The following LAMC2 variants were observed in gnomAD, a reference collection of about 807,000 sequenced individuals.
LAMC2 encodes the protein laminin subunit gamma-2.
A neutral mutation model predicts 140.2 loss-of-function variants in LAMC2; 97 were observed. That is an observed-to-expected ratio of 0.69 (90% confidence interval 0.59 to 0.82). The LOEUF (loss-of-function observed/expected upper bound fraction) is 0.82, where lower values mean the gene tolerates loss of function less well. LAMC2 is among the 40% of genes least tolerant of loss of function. The pLI is 0.00. For synonymous variants in LAMC2, 513 were observed against 540.2 expected, an observed-to-expected ratio of 0.95 and a Z score of 0.70; for missense variants, 1,402 against 1,476.1, an observed-to-expected ratio of 0.95 and a Z score of 0.82.
Position 183,223,298 on chromosome 1 carries a change from T to C in LAMC2, c.927T>C (p.Cys309=). Residue 309 remains cysteine (C), a synonymous_variant, in exon 7 of 23, where the codon TGT becomes TGC. Coordinates refer to ENST00000264144, the MANE Select transcript of LAMC2 (RefSeq NM_005562.3). ...TGCCACTTGGCAAGACACTGCCTTGTGGGCTCACCAAGACTTACACATTCA... is the reference window on the plus strand; with the variant it reads ...TGCCACTTGGCAAGACACTGCCTTGCGGGCTCACCAAGACTTACACATTCA... ...PLMPLGKTLP[C]GLTKTYTFRL... is the part of the protein sequence containing the mutation. The C allele has an allele frequency of 1.2e-6, 2 of 1,614,184 alleles. No individual in the cohort carries two copies. Among genetic ancestry groups the C allele is most frequent in the Non-Finnish European group, 1.7e-6 (2 of 1,180,032 alleles).
rs555717161 is a variant in LAMC2, at chr1:183,214,313, A to T, written c.269-1140A>T. On this transcript the variant is annotated intron_variant, in intron 2 of 22. Coordinates refer to ENST00000264144, the MANE Select transcript of LAMC2 (RefSeq NM_005562.3). Reference sequence around the variant, plus strand: ...GTCAAGTAGGGCTGAGGACTGGGGAAGGGGTGGGATGGGATTTTAGATGCA... The same window carrying T: ...GTCAAGTAGGGCTGAGGACTGGGGATGGGGTGGGATGGGATTTTAGATGCA... Among the ~76,000 whole-genome samples the T allele has an allele frequency of 3.9e-5, 6 of 152,228 alleles. No homozygotes were observed. The South Asian group carries it at 1.2e-3, about 32-fold the overall frequency.
chr1:183,227,040 A>C, intron 9 of LAMC2, 124 bp downstream of exon 9: 2 of 761,950 alleles, frequency 2.6e-6, no homozygotes, highest in Non-Finnish European at 4.4e-6. Flanking sequence ...GCAGAGCTGG[A>C]GTCAGGGAAG....
At chr1:183,242,853 TC>T (rs1271911581) in intron 22 of LAMC2, among the ~76,000 whole-genome samples, 40 of 148,642 alleles carry the variant, frequency 2.7e-4, no homozygotes, top group Non-Finnish European at 4.9e-4. Flanking sequence ...TTTTTTTTTT[TC>T]ATAGCATAAA....
chr1:183,206,657 A>G (rs1658894858), intron 1 of LAMC2, among the ~76,000 whole-genome samples: 1 of 151,814 alleles, frequency 6.6e-6, no homozygotes, highest in African/African-American at 2.4e-5. Flanking sequence ...GTCTCAAAAA[A>G]AAAAAAAAAA....
chr1:183,235,742 C>G lies in LAMC2; in HGVS notation c.2456+12C>G. The G allele has an allele frequency of 6.2e-7, 1 of 1,613,652 alleles. No homozygotes were observed. The highest frequency in any genetic ancestry group is 2.2e-5 in the East Asian group (1 of 44,870). ...GGGCTTGTGGAAAAGTACGTTCCTA[C>G]GGGTCCTCCCGTGGCTCATTATACC... is the stretch of plus-strand genomic sequence containing the variant. On this transcript the variant is annotated intron_variant, in intron 16 of 22. Transcript: ENST00000264144.
At chr1:183,232,938 G>A in intron 14 of LAMC2, 81 bp downstream of exon 14, 2 of 1,309,226 alleles carry the variant, frequency 1.5e-6, no homozygotes, top group Non-Finnish European at 1.1e-6. Context: ...CTCAATTTCT[G>A]TCTCTCAGTG....
At position 183,231,043 on chromosome 1, in the gene LAMC2, C is replaced by A. The variant is rs370673817; in HGVS notation, c.1797C>A (p.Gly599=). Residue 599 remains glycine (G), a synonymous_variant, in exon 12 of 23, where the codon GGC becomes GGA. Transcript: ENST00000264144. The part of the protein sequence containing the change: ...GTCVCKPGFG[G]PNCEHGAFSC... ...GTGTTTGCAAGCCAGGATTTGGTGG[C>A]CCCAACTGTGAGCATGGAGCATTCA... is the stretch of plus-strand genomic sequence containing the variant. 1.2e-6 allele frequency: 2 copies of A among 1,614,116 alleles called. No individual in the cohort carries two copies. Among genetic ancestry groups the A allele is most frequent in the African/African-American group, 1.3e-5 (1 of 75,024 alleles).
Position 183,243,378 on chromosome 1 carries a change from C to T in LAMC2, c.3560C>T (p.Thr1187Ile). The T allele has an allele frequency of 2.5e-6, 4 of 1,614,214 alleles. No homozygotes were observed. The highest frequency in any genetic ancestry group is 1.6e-4 in the Middle Eastern group (1 of 6,062). ...AACCTGCCCCCAGGCTGCTACAATA[C>T]CCAGGCTCTTGAGCAACAGTGAAGC... ...RDNLPPGCYN[T>I]QALEQQ The change falls in exon 23 of 23, where the codon ACC (threonine) becomes ATC (isoleucine). Residue 1187 changes from threonine (T) to isoleucine (I), a missense_variant. This residue lies in a region of LAMC2 where 670 missense variants were observed against 667.2 expected (regional missense o/e 1.00). Coordinates refer to ENST00000264144, the MANE Select transcript of LAMC2 (RefSeq NM_005562.3).
intron 18 of LAMC2, among the ~76,000 whole-genome samples, chr1:183,237,970 TC>T (rs1455151410): frequency 6.6e-6 from 1 of 152,132 alleles, no homozygotes; most frequent in African/African-American, 2.4e-5. Flanking sequence ...TTCCACCCAG[TC>T]GGTCAGCCCT....
intron 7 of LAMC2, among the ~76,000 whole-genome samples, chr1:183,224,247 A>G (rs1426159985): frequency 6.6e-6 from 1 of 152,166 alleles, no homozygotes; most frequent in Non-Finnish European, 1.5e-5. Flanking sequence ...ATATGTGGGG[A>G]TGCAGAAAGG....
At chr1:183,235,772 A>T (rs374903499) in intron 16 of LAMC2, 42 bp downstream of exon 16, 1 of 1,609,698 alleles carries the variant, frequency 6.2e-7, no homozygotes, top group Admixed American at 1.7e-5. Context: ...TATACCTTGG[A>T]TACTCCCAGG....
chr1:183,241,989 T>C (rs1660146797), intron 22 of LAMC2, among the ~76,000 whole-genome samples: 1 of 152,218 alleles, frequency 6.6e-6, no homozygotes, highest in South Asian at 2.1e-4. Flanking sequence ...TCATTTGTCT[T>C]GTAAAAGTCC....
At chr1:183,217,419 C>T (rs1659306350) in intron 3 of LAMC2, among the ~76,000 whole-genome samples, 1 of 152,176 alleles carries the variant, frequency 6.6e-6, no homozygotes, top group African/African-American at 2.4e-5. Flanking sequence ...AGCAATTCCA[C>T]TCCTAGGTAT....
intron 1 of LAMC2, among the ~76,000 whole-genome samples, chr1:183,202,925 A>G (rs775580085): frequency 2.6e-5 from 4 of 152,216 alleles, no homozygotes; most frequent in Non-Finnish European, 5.9e-5. Flanking sequence ...TTAAAGTTCA[A>G]CAGAACATTC....
intron 6 of LAMC2, among the ~76,000 whole-genome samples, chr1:183,222,885 A>C (rs979713873): frequency 1.3e-5 from 2 of 152,244 alleles, no homozygotes; most frequent in African/African-American, 4.8e-5. Flanking sequence ...TAAGGGCCAC[A>C]TCATGAATCA....
intron 1 of LAMC2, among the ~76,000 whole-genome samples, chr1:183,197,866 G>A (rs1261478899): frequency 1.3e-5 from 2 of 151,966 alleles, no homozygotes; most frequent in Non-Finnish European, 2.9e-5. Context: ...GAGACGTTGT[G>A]GAGATTAAGG....
At chr1:183,210,533 A>G (rs1165675931) in intron 2 of LAMC2, among the ~76,000 whole-genome samples, 2 of 152,226 alleles carry the variant, frequency 1.3e-5, no homozygotes, top group Admixed American at 1.3e-4. Context: ...GATTGCAAGA[A>G]CTAAAGTTGT....
At chr1:183,195,862 T>A (rs1470882600) in intron 1 of LAMC2, among the ~76,000 whole-genome samples, 1 of 152,156 alleles carries the variant, frequency 6.6e-6, no homozygotes, top group East Asian at 1.9e-4. Context: ...CCGACAAACA[T>A]ATTAAAACTT....
At chr1:183,219,956 T>C (rs750419628) in intron 4 of LAMC2, among the ~76,000 whole-genome samples, 5 of 152,186 alleles carry the variant, frequency 3.3e-5, no homozygotes, top group Admixed American at 6.5e-5. Context: ...TCTAAGAAAA[T>C]TGGAAATAGC....
Sources: gnomAD v4.1 joint callset for allele counts (sites outside exome capture counted in the v4.1 genomes callset) on GRCh38, gnomAD v4.1.1 for gene constraint, gnomAD v4.1.1 regional missense constraint, MANE v1.5 for transcripts, NCBI Gene and HGNC (gene_info 2026-07-23, HGNC 2026-07-21) for gene names.